ZMYM2: variants seen among roughly 807,000 people sequenced by gnomAD.
ZMYM2 encodes zinc finger MYM-type protein 2.
A neutral mutation model predicts 162.8 loss-of-function variants in ZMYM2; 56 were observed. The observed-to-expected ratio is 0.34, with a 90% CI of 0.28 to 0.43. The LOEUF (loss-of-function observed/expected upper bound fraction) is 0.43, where lower values mean the gene tolerates loss of function less well. Ranked by LOEUF, ZMYM2 falls within the 20% of genes least tolerant of loss-of-function variation. The pLI, the probability that ZMYM2 is intolerant of heterozygous loss-of-function variation, is 1.00. For synonymous variants in ZMYM2, 510 were observed against 541.6 expected (o/e 0.94, Z 0.81); for missense variants, 1,275 against 1,621.8 (o/e 0.79, Z 3.67).
intron 21 of ZMYM2, among the ~76,000 whole-genome samples, chr13:20,075,792 C>CAGA (rs1957454652): frequency 6.8e-6 from 1 of 147,714 alleles, no homozygotes; most frequent in African/African-American, 2.5e-5. Flanking sequence ...AGCAATTCTT[C>CAGA]TGCCTCAGCC....
At chr13:20,036,972 C>A in intron 12 of ZMYM2, 63 bp downstream of exon 12, 1 of 1,424,902 alleles carries the variant, frequency 7.0e-7, no homozygotes, top group Admixed American at 2.7e-5. Flanking sequence ...GTAGCTGTTA[C>A]CATTACAAAT....
At chr13:19,897,072 CAA>C in the ZMYM2 span, among the ~76,000 whole-genome samples, 15 of 111,354 alleles carry the variant, frequency 1.3e-4, no homozygotes, top group East Asian at 2.8e-4. Flanking sequence ...GACTCTGCCT[CAA>C]AAAAAAAAAA....
At chr13:19,939,364 T>C in the ZMYM2 span, among the ~76,000 whole-genome samples, 10 of 152,076 alleles carry the variant, frequency 6.6e-5, no homozygotes, top group Non-Finnish European at 1.0e-4. Flanking sequence ...CTAATACTTA[T>C]CTAAATTTAA....
At chr13:19,887,639 G>A in the ZMYM2 span, among the ~76,000 whole-genome samples, 1 of 151,740 alleles carries the variant, frequency 6.6e-6, no homozygotes, top group Admixed American at 6.6e-5. Flanking sequence ...CTCAGTGGTA[G>A]AGTTGTTAGG....
At chr13:20,046,562 A>ATATATAT (rs150664616) in intron 12 of ZMYM2, among the ~76,000 whole-genome samples, 5 of 20,118 alleles carry the variant, frequency 2.5e-4, no homozygotes, top group Non-Finnish European at 6.2e-4. Flanking sequence ...TCTAAAAAAA[A>ATATATAT]AAATATATAT....
chr13:19,965,971 G>A (rs1001443496), intron 2 of ZMYM2, among the ~76,000 whole-genome samples: 14 of 151,188 alleles, frequency 9.3e-5, no homozygotes, highest in African/African-American at 3.4e-4. Flanking sequence ...ATAGAGACAG[G>A]GTTTCACCGT....
intron 14 of ZMYM2, among the ~76,000 whole-genome samples, chr13:20,054,998 T>G (rs1392303122): frequency 1.9e-4 from 1 of 5,366 alleles, no homozygotes; most frequent in East Asian, 0.056. Flanking sequence ...ATGGGGTTGT[T>G]TTTTTTTTTT....
At chr13:19,942,458 A>G in the ZMYM2 span, among the ~76,000 whole-genome samples, 1,970 of 151,476 alleles carry the variant, frequency 0.013, 37 homozygotes, top group African/African-American at 0.045. Flanking sequence ...AGTCAATAAC[A>G]TATTTTTACT....
At position 19,971,244 on chromosome 13, in the gene ZMYM2, G is replaced by GTGTGTATATA. The variant is rs5802035; in HGVS notation, c.-11+11219_-11+11220insGTGTATATAT. 1.5e-3 allele frequency among the ~76,000 whole-genome samples: 75 copies of GTGTGTATATA among 50,098 alleles called. 3 individuals are homozygous for GTGTGTATATA. In the East Asian group the frequency reaches 0.023, roughly 15 times the overall value. 32.9% of individuals were successfully genotyped at this position (50,098 alleles called of 152,430 possible). On this transcript the variant is annotated intron_variant, in intron 2 of 24. Transcript: ENST00000610343. Reference sequence around the variant, plus strand: ...TTTATATATATGTGTGTGTGTGTGTGTATATATATATATATATATTTTTTT... The same window carrying GTGTGTATATA: ...TTTATATATATGTGTGTGTGTGTGTGTGTGTATATATATATATATATATATATATTTTTTT...
chr13:19,939,968 C>T, the ZMYM2 span, among the ~76,000 whole-genome samples: 1 of 152,078 alleles, frequency 6.6e-6, no homozygotes, highest in Non-Finnish European at 1.5e-5. Flanking sequence ...CTAGTTGTAC[C>T]GATCTGGAAC....
Position 20,027,225 on chromosome 13 carries a change from T to C in ZMYM2, c.1758T>C (p.Phe586=). 1 of 1,578,958 alleles carries C rather than the reference T, an allele frequency of 6.3e-7. No homozygotes were observed. Among genetic ancestry groups the C allele is most frequent in the Non-Finnish European group, 8.6e-7 (1 of 1,160,702 alleles). ...TAGGTTTGGGAATTATTTGCCATTT[T>C]TGTAAGCGAAACTCTTTACCTCAAT... ...KSQSLGIICH[F]CKRNSLPQYQ... is the part of the protein sequence containing the mutation. The change falls in exon 9 of 25, where the codon TTT becomes TTC. Residue 586 remains phenylalanine (F), a synonymous_variant. Coordinates refer to ENST00000610343, the MANE Select transcript of ZMYM2 (RefSeq NM_197968.4).
In ZMYM2 at chr13:20,034,310, T is replaced by C; in HGVS notation, c.2025T>C (p.His675=). ...KTCSDDYKKL[H]CIVTYCEYCQ... is the part of the protein sequence containing the mutation. The stretch of plus-strand genomic sequence containing the variant: ...GTTCAGATGACTATAAGAAGTTGCA[T>C]TGCATAGTTACATATTGCGAATACT... Residue 675 remains histidine, a synonymous_variant, in exon 11 of 25, where the codon CAT becomes CAC. Transcript: ENST00000610343. 4.3e-6 allele frequency: 7 copies of C among 1,611,262 alleles called. No homozygotes were observed. The highest frequency in any genetic ancestry group is 5.1e-6 in the Non-Finnish European group (6 of 1,179,000).
chr13:20,069,197 A>G (rs537208782), intron 21 of ZMYM2, among the ~76,000 whole-genome samples: 6 of 152,138 alleles, frequency 3.9e-5, no homozygotes, highest in Admixed American at 3.3e-4. Flanking sequence ...ATACACAATC[A>G]TGTCACCTAT....
chr13:19,893,768 A>G, the ZMYM2 span, among the ~76,000 whole-genome samples: 7 of 151,782 alleles, frequency 4.6e-5, no homozygotes, highest in Admixed American at 3.9e-4. Context: ...AAATAAATAA[A>G]TAAATAAAAC....
At chr13:19,976,062 G>A (rs1307860007) in intron 2 of ZMYM2, among the ~76,000 whole-genome samples, 1 of 152,018 alleles carries the variant, frequency 6.6e-6, no homozygotes, top group Non-Finnish European at 1.5e-5. Flanking sequence ...GGCCGGGCAC[G>A]GTAGCTCATG....
At chr13:19,990,560 T>C (rs1949522448) in intron 2 of ZMYM2, among the ~76,000 whole-genome samples, 1 of 152,210 alleles carries the variant, frequency 6.6e-6, no homozygotes, top group African/African-American at 2.4e-5. Context: ...CTTCTGTTAT[T>C]CTGTTTAAAA....
chr13:19,905,999 G>A, the ZMYM2 span, among the ~76,000 whole-genome samples: 341 of 152,042 alleles, frequency 2.2e-3, 1 homozygote, highest in African/African-American at 7.6e-3. Flanking sequence ...TAAATGGGCC[G>A]GGCGTGGTGG....
At chr13:20,001,350 C>G (rs932254317) in intron 3 of ZMYM2, among the ~76,000 whole-genome samples, 1 of 150,768 alleles carries the variant, frequency 6.6e-6, no homozygotes, top group African/African-American at 2.4e-5. Context: ...TAAGACTGCT[C>G]CACTGCTCTC....
the ZMYM2 span, among the ~76,000 whole-genome samples, chr13:19,930,486 G>T: frequency 6.6e-6 from 1 of 151,762 alleles, no homozygotes; most frequent in African/African-American, 2.4e-5. Context: ...TTGTGGTTGT[G>T]CCCTGTTCTG....
Sources: gnomAD v4.1 joint callset for allele counts (sites outside exome capture counted in the v4.1 genomes callset) on GRCh38, gnomAD v4.1.1 for gene constraint, MANE v1.5 for transcripts, NCBI Gene and HGNC (gene_info 2026-07-23, HGNC 2026-07-21) for gene names.